Variants in PDZRN4 observed in about 807,000 individuals in gnomAD.
PDZRN4 encodes PDZ domain containing ring finger 4.
PDZRN4 carries 70 observed loss-of-function variants against 99.0 expected under a neutral mutation model. The ratio of observed to expected loss-of-function variants is 0.71; its 90% CI spans 0.58 to 0.86. PDZRN4 has a LOEUF of 0.86. Among genes scored for constraint, PDZRN4 ranks in the 40% least tolerant of loss-of-function variants. The pLI is 0.00. For synonymous variants in PDZRN4, 551 were observed against 501.6 expected, an observed-to-expected ratio of 1.10 and a Z score of -1.32; for missense variants, 1,474 against 1,331.2, an observed-to-expected ratio of 1.11 and a Z score of -1.67.
At chr12:41,539,338 G>C (rs1013418267) in intron 5 of PDZRN4, among the ~76,000 whole-genome samples, 1 of 151,882 alleles carries the variant, frequency 6.6e-6, no homozygotes, top group East Asian at 1.9e-4. Flanking sequence ...ATGATCTTTT[G>C]TTATATTTTT....
chr12:41,213,118 C>T (rs1011201111), intron 3 of PDZRN4, among the ~76,000 whole-genome samples: 2 of 152,140 alleles, frequency 1.3e-5, no homozygotes, highest in Non-Finnish European at 1.5e-5. Context: ...TATCCTCCCC[C>T]ATTTATAAAT....
intron 3 of PDZRN4, among the ~76,000 whole-genome samples, chr12:41,463,309 A>T (rs1170024232): frequency 2.0e-5 from 3 of 152,138 alleles, no homozygotes; most frequent in Non-Finnish European, 4.4e-5. Context: ...ATGCCTACCC[A>T]GCCCCAAAGC....
intron 3 of PDZRN4, among the ~76,000 whole-genome samples, chr12:41,449,126 C>G (rs1011348290): frequency 6.6e-6 from 1 of 152,170 alleles, no homozygotes; most frequent in African/African-American, 2.4e-5. Context: ...GCTATTCTTT[C>G]TTTCCAGAAT....
At chr12:41,475,710 T>C (rs1953036096) in intron 3 of PDZRN4, among the ~76,000 whole-genome samples, 1 of 152,236 alleles carries the variant, frequency 6.6e-6, no homozygotes, top group African/African-American at 2.4e-5. Flanking sequence ...ATTTCTTTTA[T>C]ACATAATTTC....
chr12:41,561,491 G>T (rs1372064422), intron 7 of PDZRN4, among the ~76,000 whole-genome samples: 3 of 150,768 alleles, frequency 2.0e-5, no homozygotes, highest in Non-Finnish European at 4.4e-5. Flanking sequence ...AAACTTAATA[G>T]CAGCATTAGA....
intron 3 of PDZRN4, among the ~76,000 whole-genome samples, chr12:41,362,717 G>A (rs2121061598): frequency 6.6e-6 from 1 of 152,202 alleles, no homozygotes; most frequent in East Asian, 1.9e-4. Flanking sequence ...GTCCAGGGAA[G>A]TGATGGGAAG....
At chr12:41,284,786 G>A (rs1951411730) in intron 3 of PDZRN4, among the ~76,000 whole-genome samples, 2 of 152,088 alleles carry the variant, frequency 1.3e-5, no homozygotes, top group Non-Finnish European at 2.9e-5. Flanking sequence ...AAATAGTGTT[G>A]GGAAAGCTGG....
At chr12:41,409,599 G>A (rs751202916) in intron 3 of PDZRN4, 2 of 152,118 alleles carry the variant, frequency 1.3e-5, no homozygotes, top group Non-Finnish European at 2.9e-5. Context: ...ACGTATGAAA[G>A]TCTTCTTTGT....
intron 3 of PDZRN4, among the ~76,000 whole-genome samples, chr12:41,462,662 T>G (rs1209402371): frequency 6.6e-6 from 1 of 152,230 alleles, no homozygotes; most frequent in East Asian, 1.9e-4. Context: ...TTGATTAATG[T>G]CAGATTTTGG....
At chr12:41,395,725 A>C (rs1026815562) in intron 3 of PDZRN4, among the ~76,000 whole-genome samples, 1 of 152,196 alleles carries the variant, frequency 6.6e-6, no homozygotes, top group East Asian at 1.9e-4. Flanking sequence ...GCTTCAGCTG[A>C]GGAACAACAC....
chr12:41,560,184 T>C (rs918055514), intron 7 of PDZRN4, among the ~76,000 whole-genome samples: 1 of 152,228 alleles, frequency 6.6e-6, no homozygotes, highest in East Asian at 1.9e-4. Context: ...TACTAAAATA[T>C]AAACACATTT....
intron 3 of PDZRN4, among the ~76,000 whole-genome samples, chr12:41,249,893 G>A (rs940047904): frequency 3.9e-5 from 6 of 152,120 alleles, no homozygotes; most frequent in African/African-American, 1.4e-4. Context: ...TTATAGTGAG[G>A]GGTTATGTGT....
At chr12:41,324,241 A>G (rs1951696587) in intron 3 of PDZRN4, among the ~76,000 whole-genome samples, 1 of 152,036 alleles carries the variant, frequency 6.6e-6, no homozygotes, top group African/African-American at 2.4e-5. Flanking sequence ...TGTCTCCTTA[A>G]ACATCCCATT....
intron 3 of PDZRN4, among the ~76,000 whole-genome samples, chr12:41,292,534 T>C (rs551227393): frequency 5.3e-5 from 8 of 152,298 alleles, no homozygotes; most frequent in African/African-American, 1.9e-4. Context: ...GGACCCCCCT[T>C]TGACTGGGTT....
At chr12:41,298,127 T>C (rs1043367450) in intron 3 of PDZRN4, among the ~76,000 whole-genome samples, 11 of 152,198 alleles carry the variant, frequency 7.2e-5, no homozygotes, top group Admixed American at 4.6e-4. Context: ...TGATCATTTT[T>C]ATATTATAGA....
intron 3 of PDZRN4, among the ~76,000 whole-genome samples, chr12:41,396,397 ATTG>A (rs141772109): frequency 0.035 from 5,307 of 151,740 alleles, 298 homozygotes; most frequent in African/African-American, 0.12. Context: ...AGCGTTTGCT[ATTG>A]TTGTTGTTGT....
chr12:41,555,855 C>A (rs1224698872), intron 7 of PDZRN4, 95 bp downstream of exon 7: 3 of 1,063,572 alleles, frequency 2.8e-6, no homozygotes, highest in African/African-American at 3.2e-5. Context: ...AAGAATTTGT[C>A]TTTGCTTTTG....
intron 3 of PDZRN4, among the ~76,000 whole-genome samples, chr12:41,423,180 C>T (rs2120414030): frequency 6.6e-6 from 1 of 151,938 alleles, no homozygotes; most frequent in African/African-American, 2.4e-5. Context: ...AGTTCTGGAG[C>T]ACATGTGCAG....
chr12:41,428,311 C>T (rs1446442583), intron 3 of PDZRN4, among the ~76,000 whole-genome samples: 1 of 152,042 alleles, frequency 6.6e-6, no homozygotes, highest in Non-Finnish European at 1.5e-5. Context: ...CTGTGTTGAC[C>T]CTGTTATTGT....
Sources: allele counts gnomAD v4.1 joint callset (sites outside exome capture counted in the v4.1 genomes callset), GRCh38; gene constraint gnomAD v4.1.1; transcripts MANE v1.5; gene names NCBI Gene and HGNC (gene_info 2026-07-23, HGNC 2026-07-21).